Variants in CPA6 observed in about 807,000 individuals in gnomAD.
CPA6 encodes carboxypeptidase A6, also known as carboxypeptidase B.
In CPA6, 58 loss-of-function variants were observed where a neutral mutation model predicts 63.3. The observed-to-expected ratio is 0.92, with a 90% CI of 0.74 to 1.14. The LOEUF (loss-of-function observed/expected upper bound fraction) is 1.14. Among genes scored for constraint, CPA6 ranks in the 50% most tolerant of loss-of-function variants. The pLI, the probability that CPA6 is intolerant of heterozygous loss-of-function variation, is 0.00. For synonymous variants in CPA6, 185 were observed against 179.0 expected (o/e 1.03, Z -0.27); for missense variants, 565 against 526.6 (o/e 1.07, Z -0.71).
At chr8:67,527,428 A>T (rs1171210289) in intron 2 of CPA6, among the ~76,000 whole-genome samples, 6 of 152,188 alleles carry the variant, frequency 3.9e-5, no homozygotes, top group African/African-American at 9.7e-5. Flanking sequence ...AAGATTCCCA[A>T]CTTGGGAAAT....
chr8:67,537,079 C>T (rs1812600846), intron 2 of CPA6, among the ~76,000 whole-genome samples: 2 of 152,160 alleles, frequency 1.3e-5, no homozygotes, highest in South Asian at 2.1e-4. Flanking sequence ...TTTTGATGTG[C>T]TGCTGGATTC....
chr8:67,532,579 G>A (rs937750043), intron 2 of CPA6, among the ~76,000 whole-genome samples: 1 of 152,118 alleles, frequency 6.6e-6, no homozygotes, highest in African/African-American at 2.4e-5. Context: ...CTACTTGGGA[G>A]GCTGAGAGGT....
At chr8:67,676,961 T>C (rs1816487566) in intron 1 of CPA6, among the ~76,000 whole-genome samples, 1 of 152,212 alleles carries the variant, frequency 6.6e-6, no homozygotes, top group Non-Finnish European at 1.5e-5. Flanking sequence ...TATATGTATA[T>C]ACACATACTC....
At chr8:67,662,936 A>G (rs1337573209) in intron 1 of CPA6, among the ~76,000 whole-genome samples, 2 of 152,154 alleles carry the variant, frequency 1.3e-5, no homozygotes, top group African/African-American at 4.8e-5. Context: ...GCAGGAGAAG[A>G]CAGATGAGAG....
intron 6 of CPA6, among the ~76,000 whole-genome samples, chr8:67,504,163 C>T (rs568387287): frequency 7.9e-5 from 12 of 152,284 alleles, no homozygotes; most frequent in African/African-American, 2.6e-4. Context: ...GCCTGACTTC[C>T]AACTGTGTGC....
At chr8:67,494,720 T>C (rs537792146) in intron 6 of CPA6, among the ~76,000 whole-genome samples, 44 of 152,336 alleles carry the variant, frequency 2.9e-4, no homozygotes, top group African/African-American at 1.0e-3. Flanking sequence ...TAAATATAGC[T>C]ATTACTTGCC....
In CPA6 at chr8:67,589,069, G is replaced by T. The variant is rs7818148; in HGVS notation, c.192+35107C>A. 2.0e-3 allele frequency among the ~76,000 whole-genome samples: 305 copies of T among 151,374 alleles called. 2 individuals carry two copies. Among genetic ancestry groups the T allele is most frequent in the African/African-American group, 7.1e-3 (294 of 41,204 alleles). ...GGAGGCAGAGGTTGCAGTGAGCCAA[G>T]ATTGCACCACTGCACTCCGGCATGG... On this transcript the variant is annotated intron_variant, in intron 2 of 10. Transcript: ENST00000297770.
rs142437290 is a variant in CPA6 at position 67,532,002 on chromosome 8, T to C, written c.193-13955A>G. ...ACCCAAATCACAATTAAATGTAACA[T>C]TTCAAAGAGAGACATTCCTGACCTT... On this transcript the variant is annotated intron_variant, in intron 2 of 10. Coordinates refer to ENST00000297770, the MANE Select transcript of CPA6 (RefSeq NM_020361.5). 6.7e-3 allele frequency among the ~76,000 whole-genome samples: 1,019 copies of C among 152,238 alleles called. 16 individuals are homozygous for C. The East Asian group carries it at 0.074, about 11-fold the overall frequency.
chr8:67,534,432 G>C (rs920000093), intron 2 of CPA6, among the ~76,000 whole-genome samples: 3 of 152,004 alleles, frequency 2.0e-5, no homozygotes, highest in African/African-American at 7.3e-5. Flanking sequence ...AGCTATACAG[G>C]TACATGTAGG....
intron 1 of CPA6, among the ~76,000 whole-genome samples, chr8:67,630,186 C>T (rs1815292237): frequency 1.3e-5 from 2 of 151,670 alleles, no homozygotes; most frequent in African/African-American, 2.4e-5. Flanking sequence ...TATTCTAGTT[C>T]AGGGTCAAGA....
chr8:67,433,835 T>A (rs1243432443), intron 9 of CPA6, among the ~76,000 whole-genome samples: 5 of 152,242 alleles, frequency 3.3e-5, no homozygotes, highest in African/African-American at 1.2e-4. Context: ...TCTCTCAGCT[T>A]CTAGCTTCTT....
At chr8:67,576,966 C>T (rs1220876794) in intron 2 of CPA6, among the ~76,000 whole-genome samples, 1 of 151,820 alleles carries the variant, frequency 6.6e-6, no homozygotes, top group Non-Finnish European at 1.5e-5. Context: ...GGGGTTCAAG[C>T]GATTCTCCTA....
chr8:67,520,119 A>T (rs1015503314), intron 2 of CPA6, among the ~76,000 whole-genome samples: 2 of 152,120 alleles, frequency 1.3e-5, no homozygotes, highest in African/African-American at 4.8e-5. Context: ...ATTAAGGATA[A>T]CAGTTTGCTG....
chr8:67,512,004 A>G (rs1201139311), intron 3 of CPA6, among the ~76,000 whole-genome samples: 1 of 152,144 alleles, frequency 6.6e-6, no homozygotes, highest in African/African-American at 2.4e-5. Flanking sequence ...TGTGTCTTTT[A>G]TGTACATAAT....
Position 67,446,575 on chromosome 8 carries a change from T to C in CPA6, c.839-12335A>G, listed in dbSNP as rs184868250. On this transcript the variant is annotated intron_variant, in intron 8 of 10. Coordinates refer to ENST00000297770, the MANE Select transcript of CPA6 (RefSeq NM_020361.5). Reference sequence around the variant, plus strand: ...AGTAAAAACAGAAAAGCAGCAGAAATATTTGGTTTTATTTTATGTTTGACA... The same window carrying C: ...AGTAAAAACAGAAAAGCAGCAGAAACATTTGGTTTTATTTTATGTTTGACA... 1.5e-3 allele frequency among the ~76,000 whole-genome samples: 221 copies of C among 152,184 alleles called. 1 individual carries two copies. Among genetic ancestry groups the C allele is most frequent in the African/African-American group, 5.2e-3 (215 of 41,514 alleles).
At chr8:67,541,099 A>G (rs1173828741) in intron 2 of CPA6, among the ~76,000 whole-genome samples, 1 of 151,088 alleles carries the variant, frequency 6.6e-6, no homozygotes. Context: ...AAAAAAAAAA[A>G]CTCCTGCAGC....
intron 1 of CPA6, among the ~76,000 whole-genome samples, chr8:67,660,925 C>A (rs1816094222): frequency 6.6e-6 from 1 of 152,102 alleles, no homozygotes. Flanking sequence ...TTACTGTTGA[C>A]CTATATGGCT....
At chr8:67,706,219 G>A (rs1377867837) in intron 1 of CPA6, among the ~76,000 whole-genome samples, 2 of 152,172 alleles carry the variant, frequency 1.3e-5, no homozygotes, top group East Asian at 3.8e-4. Context: ...CTGCTTTAAA[G>A]CCATTAAATT....
chr8:67,480,650 G>T (rs1170320051), intron 8 of CPA6, among the ~76,000 whole-genome samples: 1 of 124,842 alleles, frequency 8.0e-6, no homozygotes, highest in Admixed American at 7.6e-5. Context: ...AAGTCATTAT[G>T]GGAATAAATG....
Sources: gnomAD v4.1 joint callset for allele counts (sites outside exome capture counted in the v4.1 genomes callset) on GRCh38, gnomAD v4.1.1 for gene constraint, MANE v1.5 for transcripts, NCBI Gene and HGNC (gene_info 2026-07-23, HGNC 2026-07-21) for gene names.